The following SH3GL3 variants were observed in gnomAD, a reference collection of about 807,000 sequenced individuals.
SH3GL3 encodes endophilin-A3.
In SH3GL3, 33 loss-of-function variants were observed where a neutral mutation model predicts 47.7. The observed-to-expected ratio is 0.69, with a 90% CI of 0.52 to 0.92. SH3GL3 has a LOEUF of 0.92. Ranked by LOEUF, SH3GL3 falls within the 40% of genes least tolerant of loss-of-function variation. The pLI is 0.00. For missense variants in SH3GL3, 363 were observed against 417.8 expected, an observed-to-expected ratio of 0.87 and a Z score of 1.14; for synonymous variants, 155 against 148.8, an observed-to-expected ratio of 1.04 and a Z score of -0.30.
rs1483913371 is a variant in SH3GL3 at position 83,567,526 on chromosome 15, C to T, written c.188-1003C>T. Among the ~76,000 whole-genome samples the T allele has an allele frequency of 5.3e-5, 8 of 152,052 alleles. 1 individual carries two copies. The highest frequency in any genetic ancestry group is 2.0e-4 in the Admixed American group (3 of 15,268). ...GAAAGGAAGGTAAGACGCAGTGATG[C>T]GCATCACCTCCCTAGGGAGCAGAGG... On this transcript the variant is annotated intron_variant, in intron 3 of 8. Transcript: ENST00000427482.
chr15:83,608,511 A>G (rs1392479792), intron 8 of SH3GL3, among the ~76,000 whole-genome samples: 2 of 152,236 alleles, frequency 1.3e-5, no homozygotes, highest in Admixed American at 6.5e-5. Flanking sequence ...ATGTGCTTCA[A>G]ATGAATTCTG....
intron 1 of SH3GL3, among the ~76,000 whole-genome samples, chr15:83,498,250 C>T (rs968843497): frequency 6.6e-6 from 1 of 152,170 alleles, no homozygotes; most frequent in Admixed American, 6.5e-5. Flanking sequence ...ATAAAACCAG[C>T]CTTCATCTTT....
intron 1 of SH3GL3, among the ~76,000 whole-genome samples, chr15:83,490,042 G>A (rs966114032): frequency 6.6e-6 from 1 of 152,142 alleles, no homozygotes; most frequent in African/African-American, 2.4e-5. Flanking sequence ...CAGGCAGGGG[G>A]AATCACATCG....
chr15:83,539,594 C>T (rs74024511), intron 1 of SH3GL3, among the ~76,000 whole-genome samples: 2,833 of 152,196 alleles, frequency 0.019, 70 homozygotes, highest in African/African-American at 0.063. Flanking sequence ...ATCTATTTGC[C>T]TTTTTCTTCA....
intron 1 of SH3GL3, chr15:83,490,679 A>G: frequency 8.2e-7 from 1 of 1,224,636 alleles, no homozygotes. Context: ...TAGCACCTGC[A>G]CATCAGGGAA....
intron 1 of SH3GL3, among the ~76,000 whole-genome samples, chr15:83,492,789 C>A (rs2041928576): frequency 6.6e-6 from 1 of 152,230 alleles, no homozygotes; most frequent in African/African-American, 2.4e-5. Context: ...TCCAGAGAGA[C>A]TGAGCTTCAT....
intron 5 of SH3GL3, among the ~76,000 whole-genome samples, chr15:83,573,571 A>C (rs2059592899): frequency 6.6e-6 from 1 of 152,172 alleles, no homozygotes; most frequent in African/African-American, 2.4e-5. Context: ...GTTCCAGCCC[A>C]TCCTTTCCAG....
chr15:83,507,209 C>T (rs1009922730), intron 1 of SH3GL3, among the ~76,000 whole-genome samples: 2 of 151,714 alleles, frequency 1.3e-5, no homozygotes, highest in Non-Finnish European at 2.9e-5. Flanking sequence ...AGGGTTTCAC[C>T]GTGTTAACCA....
chr15:83,548,911 T>G (rs1305753826), intron 1 of SH3GL3, among the ~76,000 whole-genome samples: 1 of 152,146 alleles, frequency 6.6e-6, no homozygotes, highest in Non-Finnish European at 1.5e-5. Flanking sequence ...TGTGTTAAGG[T>G]ATTTTCACCA....
chr15:83,552,704 A>G (rs2044724490), intron 1 of SH3GL3, among the ~76,000 whole-genome samples: 2 of 152,212 alleles, frequency 1.3e-5, no homozygotes, highest in South Asian at 4.1e-4. Flanking sequence ...TGTGCATAAT[A>G]GTTGACCAAG....
intron 8 of SH3GL3, among the ~76,000 whole-genome samples, chr15:83,617,230 A>G (rs1462396733): frequency 6.6e-6 from 1 of 152,180 alleles, no homozygotes; most frequent in Non-Finnish European, 1.5e-5. Flanking sequence ...TCTGGTCTGT[A>G]AATATTCTTG....
chr15:83,633,767 G>A, the SH3GL3 span, among the ~76,000 whole-genome samples: 1 of 152,100 alleles, frequency 6.6e-6, no homozygotes, highest in Non-Finnish European at 1.5e-5. Flanking sequence ...CTGGAAGCCT[G>A]TATTTCTCCC....
At chr15:83,572,098 G>A (rs1490609765) in intron 4 of SH3GL3, among the ~76,000 whole-genome samples, 4 of 152,196 alleles carry the variant, frequency 2.6e-5, no homozygotes, top group Admixed American at 1.3e-4. Flanking sequence ...GATACGGGGA[G>A]TAGCCTTGAG....
chr15:83,459,982 T>G, intron 1 of SH3GL3, among the ~76,000 whole-genome samples: 1 of 125,228 alleles, frequency 8.0e-6, no homozygotes, highest in African/African-American at 3.1e-5. Context: ...GACCTTCCCT[T>G]TCCCCTTTCC....
At chr15:83,564,207 A>G (rs1232744180) in intron 2 of SH3GL3, among the ~76,000 whole-genome samples, 2 of 151,884 alleles carry the variant, frequency 1.3e-5, no homozygotes, top group African/African-American at 4.8e-5. Flanking sequence ...TAGTATGAAG[A>G]CTCACTTTAC....
intron 1 of SH3GL3, among the ~76,000 whole-genome samples, chr15:83,509,137 G>A (rs139272693): frequency 2.6e-5 from 4 of 152,358 alleles, no homozygotes; most frequent in Non-Finnish European, 5.9e-5. Flanking sequence ...GGACAGAAAA[G>A]TGAGAGCAGG....
At chr15:83,605,992 A>T (rs1175406004) in intron 8 of SH3GL3, among the ~76,000 whole-genome samples, 1 of 152,134 alleles carries the variant, frequency 6.6e-6, no homozygotes, top group African/African-American at 2.4e-5. Flanking sequence ...CTCCTGAATT[A>T]TATATTTAAA....
At chr15:83,494,378 A>G (rs755149831) in intron 1 of SH3GL3, among the ~76,000 whole-genome samples, 4 of 152,194 alleles carry the variant, frequency 2.6e-5, no homozygotes, top group Non-Finnish European at 5.9e-5. Flanking sequence ...AGCTCTGCAC[A>G]TACATAGGAA....
At chr15:83,576,555 T>G (rs764888626) in intron 5 of SH3GL3, 28 bp from the exon 6 acceptor site, 1 of 1,583,090 alleles carries the variant, frequency 6.3e-7, no homozygotes, top group Admixed American at 1.9e-5. Flanking sequence ...GTAGCACCTC[T>G]CTGAGGGACT....
Sources: allele counts gnomAD v4.1 joint callset (sites outside exome capture counted in the v4.1 genomes callset), GRCh38; gene constraint gnomAD v4.1.1; transcripts MANE v1.5; gene names NCBI Gene and HGNC (gene_info 2026-07-23, HGNC 2026-07-21).